The following VWA8 variants were observed in gnomAD, a reference collection of about 807,000 sequenced individuals.
VWA8 encodes von Willebrand factor A domain containing 8.
In VWA8, 221 loss-of-function variants were observed where a neutral mutation model predicts 241.5. The observed-to-expected ratio is 0.91, with a 90% CI of 0.82 to 1.02. The LOEUF is 1.02. VWA8 is among the 50% of genes least tolerant of loss of function. VWA8 has a pLI of 0.00. For missense variants in VWA8, 2,322 were observed against 2,328.7 expected (o/e 1.00, Z 0.06); for synonymous variants, 852 against 827.1 (o/e 1.03, Z -0.52).
At chr13:41,592,727 C>CAA (rs34814466) in intron 40 of VWA8, among the ~76,000 whole-genome samples, 53 of 127,194 alleles carry the variant, frequency 4.2e-4, no homozygotes, top group African/African-American at 1.4e-3. Flanking sequence ...CTGTTAATTC[C>CAA]AAAAAAAAAA....
Position 41,888,057 on chromosome 13 carries a change from G to A in VWA8, c.652-696C>T, listed in dbSNP as rs77939894. Among the ~76,000 whole-genome samples the A allele has an allele frequency of 1.9e-3, 283 of 152,260 alleles. 2 individuals are homozygous for A. The highest frequency in any genetic ancestry group is 5.8e-3 in the African/African-American group (242 of 41,536). ...ATGTACACTTTTACTAAATGTTAGC[G>A]TATGCATGGTATTATACCTTTGGAA... On this transcript the variant is annotated intron_variant, in intron 5 of 44. Transcript: ENST00000379310.
chr13:41,664,260 G>A (rs371031093), intron 37 of VWA8, among the ~76,000 whole-genome samples: 4 of 151,960 alleles, frequency 2.6e-5, no homozygotes, highest in South Asian at 2.1e-4. Context: ...TGCTGCTTTG[G>A]AGAAACCCAG....
At chr13:41,957,323 C>T (rs539619911) in intron 1 of VWA8, among the ~76,000 whole-genome samples, 1 of 152,300 alleles carries the variant, frequency 6.6e-6, no homozygotes, top group East Asian at 1.9e-4. Flanking sequence ...CTATGTAAGA[C>T]GTGACTTTTC....
chr13:41,675,903 G>A (rs2045057111), intron 35 of VWA8, among the ~76,000 whole-genome samples: 2 of 152,094 alleles, frequency 1.3e-5, no homozygotes, highest in African/African-American at 2.4e-5. Flanking sequence ...CACAGTATCT[G>A]TCATTATTAG....
chr13:41,842,704 T>C (rs749478827), intron 12 of VWA8, among the ~76,000 whole-genome samples: 5 of 152,182 alleles, frequency 3.3e-5, no homozygotes, highest in Non-Finnish European at 7.4e-5. Flanking sequence ...GTGCAGATAA[T>C]ACAGTTATGT....
intron 37 of VWA8, among the ~76,000 whole-genome samples, chr13:41,669,128 C>G (rs1035881783): frequency 1.3e-5 from 2 of 152,076 alleles, no homozygotes; most frequent in African/African-American, 4.8e-5. Flanking sequence ...CCACCATGCC[C>G]AGCTTATAGC....
chr13:41,757,306 T>G (rs2045701457), intron 21 of VWA8, among the ~76,000 whole-genome samples: 1 of 151,780 alleles, frequency 6.6e-6, no homozygotes, highest in Non-Finnish European at 1.5e-5. Flanking sequence ...CTTAAAAATT[T>G]TTTGAGTTGA....
intron 2 of VWA8, among the ~76,000 whole-genome samples, chr13:41,927,699 C>A (rs1403571338): frequency 6.6e-5 from 10 of 151,980 alleles, no homozygotes; most frequent in African/African-American, 9.7e-5. Flanking sequence ...AAGAAAGGAA[C>A]AAAGGATCTA....
rs73464952 is a variant in VWA8, at chr13:41,615,006, C to T, written c.4690G>A (p.Val1564Met). ...GKEDPDNMPH[V>M]GGNTWAGGTG... ...CCGCCAGCCCAAGTGTTGCCGCCCA[C>T]GTGAGGCATGTTGTCTGGGTCCTCC... The change falls in exon 38 of 45, where the codon GTG becomes ATG. Residue 1564 changes from valine to methionine, a missense_variant. Physicochemically the swap from Val to Met is conservative, Grantham distance 21. Coordinates refer to ENST00000379310, the MANE Select transcript of VWA8 (RefSeq NM_015058.2). 10,687 of 1,613,696 alleles carry T rather than the reference C, an allele frequency of 6.6e-3. 40 individuals are homozygous for T. Among genetic ancestry groups the T allele is most frequent in the Non-Finnish European group, 8.2e-3 (9,662 of 1,179,968 alleles).
intron 5 of VWA8, 92 bp from the exon 6 acceptor site, chr13:41,887,453 T>C (rs1327892828): frequency 1.5e-6 from 2 of 1,346,022 alleles, no homozygotes; most frequent in African/African-American, 1.5e-5. Flanking sequence ...GACTTGACTG[T>C]TGAGAAAACT....
chr13:41,895,924 G>C (rs1277034871), intron 4 of VWA8, among the ~76,000 whole-genome samples: 2 of 146,374 alleles, frequency 1.4e-5, no homozygotes, highest in African/African-American at 5.0e-5. Flanking sequence ...AAACCAATTA[G>C]GCAAAGATCC....
chr13:41,850,943 T>C (rs566434101), intron 12 of VWA8, among the ~76,000 whole-genome samples: 8 of 152,212 alleles, frequency 5.3e-5, no homozygotes, highest in African/African-American at 1.4e-4. Context: ...GGCTACTAAA[T>C]GATATCAGGA....
At chr13:41,795,302 G>T (rs1241752757) in intron 17 of VWA8, among the ~76,000 whole-genome samples, 4 of 152,162 alleles carry the variant, frequency 2.6e-5, no homozygotes, top group Non-Finnish European at 4.4e-5. Flanking sequence ...AACAATATAT[G>T]TTGGCTAGGC....
chr13:41,795,839 G>A (rs79362775), intron 17 of VWA8, among the ~76,000 whole-genome samples: 23,384 of 152,024 alleles, frequency 0.15, 1,900 homozygotes, highest in East Asian at 0.19. Context: ...AGCTAATATA[G>A]ATCCTGGGCT....
In VWA8 at chr13:41,812,697, TACA is replaced by T. The variant is rs1870525212; in HGVS notation, c.1948-1360_1948-1358del. Reference sequence around the variant, plus strand: ...TTTGCTGTTAGTATTCTATCTCAGCTACAACATTAGTATTATATTTCCTTTGGG... The same window carrying T: ...TTTGCTGTTAGTATTCTATCTCAGCTACATTAGTATTATATTTCCTTTGGG... On this transcript the variant is annotated intron_variant, in intron 16 of 44. Coordinates refer to ENST00000379310, the MANE Select transcript of VWA8 (RefSeq NM_015058.2). Among the ~76,000 whole-genome samples the T allele has an allele frequency of 3.3e-5, 5 of 152,184 alleles. No homozygotes were observed. The South Asian group carries it at 1.0e-3, about 31-fold the overall frequency.
At chr13:41,623,100 T>TC (rs558857106) in intron 37 of VWA8, among the ~76,000 whole-genome samples, 103 of 152,162 alleles carry the variant, frequency 6.8e-4, no homozygotes, top group Non-Finnish European at 1.0e-3. Context: ...TAGGAAGCCT[T>TC]CCCAGGTAAA....
intron 9 of VWA8, among the ~76,000 whole-genome samples, chr13:41,882,473 A>C (rs1444499552): frequency 6.6e-6 from 1 of 152,052 alleles, no homozygotes; most frequent in Non-Finnish European, 1.5e-5. Context: ...TGGAGGTTGT[A>C]GCGAGCCGAG....
intron 37 of VWA8, among the ~76,000 whole-genome samples, chr13:41,660,447 T>A (rs188094026): frequency 6.6e-6 from 1 of 152,140 alleles, no homozygotes; most frequent in African/African-American, 2.4e-5. Context: ...CCCAGAGGCA[T>A]TGGCTTTCCT....
At chr13:41,819,531 A>G in intron 14 of VWA8, 145 bp from the exon 15 acceptor site, 1 of 914,238 alleles carries the variant, frequency 1.1e-6, no homozygotes, top group Non-Finnish European at 1.6e-6. Context: ...TTTGAAAAAA[A>G]CAAAGTCAGG....
Sources: allele counts gnomAD v4.1 joint callset (sites outside exome capture counted in the v4.1 genomes callset), GRCh38; gene constraint gnomAD v4.1.1; transcripts MANE v1.5; gene names NCBI Gene and HGNC (gene_info 2026-07-23, HGNC 2026-07-21).